The following MEF2A variants were observed in gnomAD, a reference collection of about 807,000 sequenced individuals.
The protein encoded by MEF2A is myocyte enhancer factor 2A, also known as myocyte-specific enhancer factor 2A.
In MEF2A, 28 loss-of-function variants were observed where a neutral mutation model predicts 55.8. That is an observed-to-expected ratio of 0.50 (90% CI 0.37 to 0.69). The LOEUF (loss-of-function observed/expected upper bound fraction) is 0.69. MEF2A is among the 30% of genes least tolerant of loss of function. The pLI, the probability that MEF2A is intolerant of heterozygous loss-of-function variation, is 0.00. For missense variants in MEF2A, 528 were observed against 626.2 expected (o/e 0.84, Z 1.67); for synonymous variants, 239 against 227.1 (o/e 1.05, Z -0.47).
chr15:99,710,300 T>C (rs1292406223), intron 10 of MEF2A, among the ~76,000 whole-genome samples: 1 of 152,226 alleles, frequency 6.6e-6, no homozygotes, highest in East Asian at 1.9e-4. Flanking sequence ...TGGAGTGCAG[T>C]GGTGCTACCT....
At chr15:99,599,374 G>T (rs1236489528) in intron 2 of MEF2A, among the ~76,000 whole-genome samples, 2 of 151,894 alleles carry the variant, frequency 1.3e-5, no homozygotes, top group African/African-American at 4.8e-5. Context: ...TAAAAATCTT[G>T]GAAAAGGTAT....
At chr15:99,593,344 C>G (rs138040000) in intron 1 of MEF2A, among the ~76,000 whole-genome samples, 13 of 152,156 alleles carry the variant, frequency 8.5e-5, no homozygotes, top group African/African-American at 2.7e-4. Flanking sequence ...CCAGGCCTCA[C>G]AGTGCGGGGC....
At chr15:99,575,053 T>C (rs527981006) in intron 1 of MEF2A, among the ~76,000 whole-genome samples, 277 of 152,202 alleles carry the variant, frequency 1.8e-3, no homozygotes, top group African/African-American at 6.4e-3. Flanking sequence ...CTCTTTTTTG[T>C]TCTCTTCCTA....
chr15:99,699,743 G>A (rs1235367234), intron 8 of MEF2A, among the ~76,000 whole-genome samples: 2 of 152,102 alleles, frequency 1.3e-5, no homozygotes, highest in African/African-American at 4.8e-5. Flanking sequence ...GCTCTAGATG[G>A]TAAATTCATC....
At chr15:99,604,703 G>C (rs75818537) in intron 2 of MEF2A, among the ~76,000 whole-genome samples, 1 of 150,444 alleles carries the variant, frequency 6.6e-6, no homozygotes, top group Admixed American at 6.6e-5. Flanking sequence ...TGGGCTTAGG[G>C]GTTTTGTTTT....
chr15:99,643,716 C>T (rs753152480), intron 3 of MEF2A, among the ~76,000 whole-genome samples: 21 of 151,744 alleles, frequency 1.4e-4, no homozygotes, highest in South Asian at 2.1e-4. Context: ...CTCAGCCTGC[C>T]GAGTAGGTGG....
chr15:99,675,752 T>G (rs1445666737), intron 7 of MEF2A, among the ~76,000 whole-genome samples: 1 of 152,148 alleles, frequency 6.6e-6, no homozygotes, highest in Non-Finnish European at 1.5e-5. Flanking sequence ...AACATATTTG[T>G]CTTGGCCGGG....
At chr15:99,671,291 A>G (rs201806714) in intron 4 of MEF2A, 32 bp from the exon 5 acceptor site, 511 of 1,588,822 alleles carry the variant, frequency 3.2e-4, no homozygotes, top group Non-Finnish European at 4.2e-4. Flanking sequence ...AGTTAGCATT[A>G]TTTGTGTGTG....
chr15:99,626,557 G>T (rs1024551889), intron 2 of MEF2A, among the ~76,000 whole-genome samples: 1 of 151,808 alleles, frequency 6.6e-6, no homozygotes, highest in African/African-American at 2.4e-5. Context: ...TAATTTTTAT[G>T]GCTTTATATA....
rs201873346 is a variant in MEF2A, at chr15:99,617,401, T to TA, written c.-142-15576dup. On this transcript the variant is annotated intron_variant, in intron 2 of 11. Coordinates refer to ENST00000557942, the MANE Select transcript of MEF2A (RefSeq NM_001319206.4). ...TTAGATATGTTATTAGTACAGTTTT[T>TA]ATGGCTAGAATAGAAAATATAAGAT... 7.4e-3 allele frequency among the ~76,000 whole-genome samples: 1,125 copies of TA among 152,252 alleles called. 12 individuals carry two copies. Among genetic ancestry groups the TA allele is most frequent in the African/African-American group, 0.026 (1,066 of 41,534 alleles).
Position 99,703,387 on chromosome 15 carries a change from T to G in MEF2A, c.882+2T>G. ...TCGGAGGAAGAGGAATTGGAGTTGG[T>G]GAGTGTGGGTTTCTGCTTGAAGGAA... On this transcript the variant is annotated splice_donor_variant, in intron 9 of 11. Coordinates refer to ENST00000557942, the MANE Select transcript of MEF2A (RefSeq NM_001319206.4). LOFTEE classifies it high-confidence loss of function. The G allele has an allele frequency of 6.2e-7, 1 of 1,607,912 alleles. No homozygotes were observed. Among genetic ancestry groups the G allele is most frequent in the Non-Finnish European group, 8.5e-7 (1 of 1,177,334 alleles).
intron 1 of MEF2A, among the ~76,000 whole-genome samples, chr15:99,582,088 G>A (rs770119223): frequency 6.6e-6 from 1 of 152,098 alleles, no homozygotes; most frequent in African/African-American, 2.4e-5. Context: ...AAAAAAAAGA[G>A]CCATTGACAG....
chr15:99,566,653 C>T, intron 1 of MEF2A: 1 of 152,376 alleles, frequency 6.6e-6, no homozygotes, highest in East Asian at 1.9e-4. Context: ...CGGGGGTCTC[C>T]CCGAAGGGAT....
intron 8 of MEF2A, 148 bp from the exon 9 acceptor site, chr15:99,703,214 T>C (rs1407039663): frequency 7.8e-6 from 5 of 638,950 alleles, no homozygotes; most frequent in Non-Finnish European, 1.1e-5. Flanking sequence ...ACAAGTAATT[T>C]ATATTTCTAT....
At chr15:99,663,679 G>A (rs540873012) in intron 4 of MEF2A, among the ~76,000 whole-genome samples, 12 of 151,980 alleles carry the variant, frequency 7.9e-5, no homozygotes, top group African/African-American at 1.4e-4. Context: ...TAAAAGAAAC[G>A]CATTTTAAAT....
intron 5 of MEF2A, 60 bp downstream of exon 5, chr15:99,671,514 AT>A: frequency 6.2e-7 from 1 of 1,613,906 alleles, no homozygotes. Flanking sequence ...TAACTTCATT[AT>A]TTAGGCTCTG....
Position 99,712,527 on chromosome 15 carries a change from AGCAGCAGCAGCCGCC to A in MEF2A, c.1277_1291del (p.Gln426_Pro430del). The stretch of plus-strand genomic sequence containing the variant: ...TTCCAGCAGCAGCAGCAGCAGCAGC[AGCAGCAGCAGCCGCC>A]GCCACCACCGCAGCCCCAGCCACAA... On this transcript the variant is annotated inframe_deletion, in exon 12 of 12. Coordinates refer to ENST00000557942, the MANE Select transcript of MEF2A (RefSeq NM_001319206.4). The surrounding 1 kb of genome is among the most constrained non-coding windows in gnomAD (Gnocchi z 4.1). The A allele has an allele frequency of 6.5e-7, 1 of 1,546,948 alleles. No individual in the cohort carries two copies. Among genetic ancestry groups the A allele is most frequent in the Middle Eastern group, 1.7e-4 (1 of 5,968 alleles).
chr15:99,690,428 A>G lies in MEF2A; in HGVS notation c.858A>G (p.Leu286=), dbSNP rs781607886. ...PPSSKGMMPP[L]SEEEELELNT... The stretch of plus-strand genomic sequence containing the variant: ...CAAGCAAGGGCATGATGCCTCCACT[A>G]GTAAGTTGAACCTTTCTTCAACTTC... Residue 286 remains leucine (L), a splice_region_variant and synonymous_variant, in exon 8 of 12, where the codon CTA becomes CTG. Coordinates refer to ENST00000557942, the MANE Select transcript of MEF2A (RefSeq NM_001319206.4). 3.1e-6 allele frequency: 5 copies of G among 1,587,790 alleles called. No homozygotes were observed. In the East Asian group the frequency reaches 9.0e-5, roughly 29 times the overall value.
chr15:99,666,411 G>A (rs909314688), intron 4 of MEF2A, among the ~76,000 whole-genome samples: 3 of 151,880 alleles, frequency 2.0e-5, no homozygotes, highest in Admixed American at 6.6e-5. Context: ...GACACGGAGC[G>A]GAACATCACA....
Sources: gnomAD v4.1 joint callset for allele counts (sites outside exome capture counted in the v4.1 genomes callset) on GRCh38, gnomAD v4.1.1 for gene constraint, Gnocchi (gnomAD v3.1) non-coding constraint, MANE v1.5 for transcripts, NCBI Gene and HGNC (gene_info 2026-07-23, HGNC 2026-07-21) for gene names.